Variants in CEP112 observed in about 807,000 individuals in gnomAD.
The protein encoded by CEP112 is centrosomal protein 112.
CEP112 carries 127 observed loss-of-function variants against 153.0 expected under a neutral mutation model. That is an observed-to-expected ratio of 0.83 (90% CI 0.72 to 0.96). The LOEUF is 0.96. Ranked by LOEUF, CEP112 falls within the 40% of genes least tolerant of loss-of-function variation. CEP112 has a pLI of 0.00. For missense variants in CEP112, 1,089 were observed against 1,101.2 expected (o/e 0.99, Z 0.16); for synonymous variants, 358 against 374.4 (o/e 0.96, Z 0.51).
intron 20 of CEP112, among the ~76,000 whole-genome samples, chr17:65,877,834 TAC>T (rs2058891166): frequency 6.6e-6 from 1 of 152,204 alleles, no homozygotes; most frequent in African/African-American, 2.4e-5. Context: ...ATATGAGATG[TAC>T]ACATATACAC....
At position 65,846,815 on chromosome 17, in the gene CEP112, C is replaced by T. The variant is rs139543978; in HGVS notation, c.2394+4989G>A. 2.1e-4 allele frequency among the ~76,000 whole-genome samples: 32 copies of T among 152,226 alleles called. No homozygotes were observed. The East Asian group carries it at 3.5e-3, about 17-fold the overall frequency. On this transcript the variant is annotated intron_variant, in intron 21 of 26. Coordinates refer to ENST00000535342, the MANE Select transcript of CEP112 (RefSeq NM_001199165.4). ...CGATCTCCTGACCTTGTGATTCGCC[C>T]GCCTCGATTATCATTCTTTTATTCA...
chr17:65,639,295 T>C (rs1598156936), intron 25 of CEP112, among the ~76,000 whole-genome samples: 1 of 152,214 alleles, frequency 6.6e-6, no homozygotes, highest in East Asian at 1.9e-4. Flanking sequence ...CATAAATATA[T>C]TTATTAAGCA....
At chr17:65,973,781 T>C (rs1342964140) in intron 17 of CEP112, among the ~76,000 whole-genome samples, 2 of 152,170 alleles carry the variant, frequency 1.3e-5, no homozygotes, top group Admixed American at 1.3e-4. Context: ...CAAGAGAACG[T>C]TTGGGGTGAT....
At chr17:65,649,768 A>G (rs2045640697) in intron 24 of CEP112, among the ~76,000 whole-genome samples, 1 of 151,904 alleles carries the variant, frequency 6.6e-6, no homozygotes, top group South Asian at 2.1e-4. Context: ...AAGCCCAACA[A>G]GCATTTCTGG....
chr17:65,729,008 T>C (rs2050341408), intron 23 of CEP112, among the ~76,000 whole-genome samples: 1 of 152,228 alleles, frequency 6.6e-6, no homozygotes, highest in African/African-American at 2.4e-5. Context: ...TTTGACTCTT[T>C]GGTAATAACA....
intron 23 of CEP112, among the ~76,000 whole-genome samples, chr17:65,720,522 C>A (rs1216912385): frequency 6.6e-6 from 1 of 152,142 alleles, no homozygotes; most frequent in Non-Finnish European, 1.5e-5. Context: ...TCAGGGGAGT[C>A]AAGCTGGTAA....
intron 21 of CEP112, among the ~76,000 whole-genome samples, chr17:65,786,604 T>C (rs954238528): frequency 6.6e-6 from 1 of 150,510 alleles, no homozygotes; most frequent in Non-Finnish European, 1.5e-5. Flanking sequence ...CTGTTGTTGT[T>C]GAGGCAGGGT....
intron 24 of CEP112, among the ~76,000 whole-genome samples, chr17:65,645,282 T>G (rs971024866): frequency 1.3e-5 from 2 of 152,148 alleles, no homozygotes; most frequent in African/African-American, 4.8e-5. Context: ...TTGCCCAGGC[T>G]GGTCTCCAAC....
chr17:65,991,455 CTTAA>C (rs1199922339), intron 17 of CEP112, among the ~76,000 whole-genome samples: 14 of 152,038 alleles, frequency 9.2e-5, no homozygotes, highest in East Asian at 1.9e-4. Flanking sequence ...AAGTTACAAA[CTTAA>C]TTAATCTTTA....
intron 18 of CEP112, among the ~76,000 whole-genome samples, chr17:65,944,764 A>AT (rs1196312359): frequency 1.3e-5 from 2 of 151,718 alleles, no homozygotes; most frequent in African/African-American, 4.8e-5. Context: ...TAATTTTTTA[A>AT]TTTTTTGTCA....
At chr17:65,781,515 A>G (rs946092255) in intron 21 of CEP112, among the ~76,000 whole-genome samples, 2 of 151,932 alleles carry the variant, frequency 1.3e-5, no homozygotes, top group African/African-American at 4.8e-5. Flanking sequence ...TAAAATTCAT[A>G]TGGAACAAAA....
At chr17:66,163,336 AT>A (rs1008053835) in intron 4 of CEP112, among the ~76,000 whole-genome samples, 2 of 152,086 alleles carry the variant, frequency 1.3e-5, no homozygotes, top group African/African-American at 2.4e-5. Context: ...AGAACTTCTG[AT>A]TTTCTGTCTT....
intron 18 of CEP112, among the ~76,000 whole-genome samples, chr17:65,959,892 A>G (rs1310321407): frequency 6.6e-6 from 1 of 152,198 alleles, no homozygotes; most frequent in Non-Finnish European, 1.5e-5. Flanking sequence ...AGCCTGAGCC[A>G]AGAGCAGCGT....
intron 21 of CEP112, among the ~76,000 whole-genome samples, chr17:65,847,113 C>T (rs1388548437): frequency 6.6e-6 from 1 of 152,188 alleles, no homozygotes; most frequent in Non-Finnish European, 1.5e-5. Context: ...TCGCACTCAA[C>T]ACCAGCCTAT....
intron 25 of CEP112, 56 bp from the exon 26 acceptor site, chr17:65,637,244 T>C: frequency 8.8e-7 from 1 of 1,133,798 alleles, no homozygotes. Flanking sequence ...GTCAATATTG[T>C]GCAAATAGTA....
rs1455151877 is a variant in CEP112 at position 65,799,604 on chromosome 17, G to C, written c.2395-48880C>G. Among the ~76,000 whole-genome samples the C allele has an allele frequency of 3.3e-5, 5 of 152,224 alleles. No individual in the cohort carries two copies. The East Asian group carries it at 7.7e-4, about 23-fold the overall frequency. On this transcript the variant is annotated intron_variant, in intron 21 of 26. Transcript: ENST00000535342. ...AGCAGAGGAGACAACTGTGGCAATAGTCAAAGAGCACTGCTGCCCTTAGGC... is the reference window on the plus strand; with the variant it reads ...AGCAGAGGAGACAACTGTGGCAATACTCAAAGAGCACTGCTGCCCTTAGGC...
chr17:66,031,595 A>C (rs2065488502), intron 12 of CEP112, among the ~76,000 whole-genome samples: 1 of 151,740 alleles, frequency 6.6e-6, no homozygotes, highest in Non-Finnish European at 1.5e-5. Context: ...AGCAGCTGAG[A>C]CTACAGGTAC....
chr17:65,979,663 T>C (rs1876862577), intron 17 of CEP112, among the ~76,000 whole-genome samples: 1 of 152,234 alleles, frequency 6.6e-6, no homozygotes, highest in African/African-American at 2.4e-5. Flanking sequence ...GTTATTGCCT[T>C]CTAGTAATTT....
intron 17 of CEP112, among the ~76,000 whole-genome samples, chr17:65,984,435 G>A (rs11870730): frequency 0.065 from 9,842 of 152,146 alleles, 456 homozygotes; most frequent in South Asian, 0.12. Flanking sequence ...TTTTCGAAAC[G>A]TTGCACAGGC....
Sources: gnomAD v4.1 joint callset for allele counts (sites outside exome capture counted in the v4.1 genomes callset) on GRCh38, gnomAD v4.1.1 for gene constraint, MANE v1.5 for transcripts, NCBI Gene and HGNC (gene_info 2026-07-23, HGNC 2026-07-21) for gene names.